CDH12: variants seen among roughly 807,000 people sequenced by gnomAD.
CDH12 encodes cadherin 12, also known as cadherin-12.
A neutral mutation model predicts 74.1 loss-of-function variants in CDH12; 41 were observed. The observed-to-expected ratio is 0.55, with a 90% confidence interval of 0.43 to 0.72. CDH12 has a LOEUF of 0.72. Among genes scored for constraint, CDH12 ranks in the 30% least tolerant of loss-of-function variants. The probability of loss-of-function intolerance (pLI) is 0.00; values close to 1 mark genes in which losing one functional copy is unlikely to be tolerated. For synonymous variants in CDH12, 399 were observed against 355.0 expected (o/e 1.12, Z -1.39); for missense variants, 945 against 977.2 (o/e 0.97, Z 0.44).
intron 1 of CDH12, among the ~76,000 whole-genome samples, chr5:22,806,252 T>G (rs949048448): frequency 4.6e-5 from 7 of 152,166 alleles, no homozygotes; most frequent in African/African-American, 1.7e-4. Flanking sequence ...CCACAATGGT[T>G]GAACTGATTT....
intron 1 of CDH12, among the ~76,000 whole-genome samples, chr5:22,833,918 A>T (rs772875072): frequency 7.2e-5 from 11 of 152,070 alleles, no homozygotes; most frequent in Non-Finnish European, 1.6e-4. Context: ...AGAAATAACC[A>T]CTCTATATAA....
At chr5:22,047,820 A>C (rs1740066278) in intron 5 of CDH12, among the ~76,000 whole-genome samples, 2 of 152,168 alleles carry the variant, frequency 1.3e-5, no homozygotes, top group South Asian at 4.1e-4. Context: ...TTAACTACTC[A>C]GTGTCCTACT....
intron 5 of CDH12, among the ~76,000 whole-genome samples, chr5:22,035,713 T>TAC (rs149918147): frequency 0.24 from 34,103 of 143,108 alleles, 4,002 homozygotes; most frequent in East Asian, 0.48. Context: ...ACTTCACACA[T>TAC]ACACACACAC....
chr5:22,657,156 A>C (rs1446553888), intron 1 of CDH12, among the ~76,000 whole-genome samples: 1 of 152,202 alleles, frequency 6.6e-6, no homozygotes, highest in African/African-American at 2.4e-5. Context: ...GCCAGAGAAA[A>C]AAGATGATGT....
At chr5:21,843,132 T>C (rs2149987587) in intron 7 of CDH12, among the ~76,000 whole-genome samples, 1 of 152,318 alleles carries the variant, frequency 6.6e-6, no homozygotes, top group Middle Eastern at 3.4e-3. Context: ...TATTCTCAAA[T>C]GAAATCATGA....
intron 3 of CDH12, among the ~76,000 whole-genome samples, chr5:22,289,059 G>T (rs1025385638): frequency 4.6e-5 from 7 of 152,072 alleles, no homozygotes; most frequent in African/African-American, 1.7e-4. Context: ...TAAGAGACTT[G>T]TATCATAAAG....
chr5:22,387,426 T>A (rs1280854134), intron 3 of CDH12, among the ~76,000 whole-genome samples: 1 of 152,178 alleles, frequency 6.6e-6, no homozygotes, highest in East Asian at 1.9e-4. Flanking sequence ...TTAATAAAAT[T>A]TACTCCTGGT....
intron 1 of CDH12, among the ~76,000 whole-genome samples, chr5:22,788,725 T>C (rs1747767720): frequency 6.7e-6 from 1 of 149,154 alleles, no homozygotes; most frequent in African/African-American, 2.4e-5. Flanking sequence ...TTTATATATG[T>C]ATAGTTATGT....
At chr5:22,674,807 T>C (rs1181960066) in intron 1 of CDH12, among the ~76,000 whole-genome samples, 1 of 152,102 alleles carries the variant, frequency 6.6e-6, no homozygotes, top group African/African-American at 2.4e-5. Flanking sequence ...TGGTAGCATT[T>C]TGCCCCTGCC....
intron 4 of CDH12, among the ~76,000 whole-genome samples, chr5:22,087,909 T>C (rs1050528910): frequency 6.6e-6 from 1 of 152,178 alleles, no homozygotes; most frequent in African/African-American, 2.4e-5. Flanking sequence ...GGTGAGCTGC[T>C]CAGAAAATCA....
intron 3 of CDH12, among the ~76,000 whole-genome samples, chr5:22,259,709 G>A (rs1024460492): frequency 1.3e-5 from 2 of 151,646 alleles, no homozygotes; most frequent in Non-Finnish European, 2.9e-5. Context: ...TGATCTGGAG[G>A]TAATTTAAGA....
chr5:21,772,384 G>A (rs956258184), intron 11 of CDH12, among the ~76,000 whole-genome samples: 2 of 151,858 alleles, frequency 1.3e-5, no homozygotes, highest in African/African-American at 4.8e-5. Context: ...ACTTATCCTT[G>A]GTTTCTTTTC....
intron 7 of CDH12, among the ~76,000 whole-genome samples, chr5:21,852,002 C>T (rs990123327): frequency 6.6e-6 from 1 of 151,300 alleles, no homozygotes; most frequent in Non-Finnish European, 1.5e-5. Flanking sequence ...ATTAGTTTTT[C>T]ATGCGTTTTA....
chr5:21,849,338 A>C (rs1248869301), intron 7 of CDH12, among the ~76,000 whole-genome samples: 1 of 151,842 alleles, frequency 6.6e-6, no homozygotes, highest in Non-Finnish European at 1.5e-5. Context: ...GATTTCTAAA[A>C]TAAAGCAAAT....
chr5:22,538,885 A>T (rs116420855), intron 1 of CDH12, among the ~76,000 whole-genome samples: 1 of 152,096 alleles, frequency 6.6e-6, no homozygotes, highest in Non-Finnish European at 1.5e-5. Context: ...GTATGCAACT[A>T]GTTTGTTTGT....
chr5:21,832,002 C>T (rs1024128331), intron 8 of CDH12, among the ~76,000 whole-genome samples: 14 of 151,974 alleles, frequency 9.2e-5, no homozygotes, highest in Non-Finnish European at 1.6e-4. Flanking sequence ...ATTAAATGGA[C>T]CCATGGCCTT....
At chr5:21,865,230 G>C (rs968146295) in intron 6 of CDH12, among the ~76,000 whole-genome samples, 15 of 152,114 alleles carry the variant, frequency 9.9e-5, no homozygotes, top group Non-Finnish European at 1.6e-4. Context: ...AATGAGAGAG[G>C]AGAGGATGAT....
intron 5 of CDH12, among the ~76,000 whole-genome samples, chr5:22,014,904 TATC>T (rs1212151309): frequency 7.9e-5 from 12 of 152,146 alleles, no homozygotes; most frequent in Non-Finnish European, 1.2e-4. Flanking sequence ...CTTTAAAATA[TATC>T]ATATTTGTGC....
chr5:21,814,457 AAGAT>A (rs1026747392), intron 9 of CDH12, among the ~76,000 whole-genome samples: 1 of 151,926 alleles, frequency 6.6e-6, no homozygotes, highest in African/African-American at 2.4e-5. Context: ...TTGATATAAT[AAGAT>A]AAAGGACTAT....
Sources: allele counts gnomAD v4.1 joint callset (sites outside exome capture counted in the v4.1 genomes callset), GRCh38; gene constraint gnomAD v4.1.1; transcripts MANE v1.5; gene names NCBI Gene and HGNC (gene_info 2026-07-23, HGNC 2026-07-21).